Variants in CSTF3 observed in about 807,000 individuals in gnomAD.
CSTF3 encodes CF-1 77 kDa subunit.
CSTF3 carries 29 observed loss-of-function variants against 105.8 expected under a neutral mutation model. The observed-to-expected ratio is 0.27, with a 90% confidence interval of 0.20 to 0.37. The LOEUF (loss-of-function observed/expected upper bound fraction) is 0.37, where lower values mean the gene tolerates loss of function less well. Among genes scored for constraint, CSTF3 ranks in the 10% least tolerant of loss-of-function variants. The pLI, the probability that CSTF3 is intolerant of heterozygous loss-of-function variation, is 1.00. For missense variants in CSTF3, 357 were observed against 879.3 expected, an observed-to-expected ratio of 0.41 and a Z score of 7.51; for synonymous variants, 252 against 281.9, an observed-to-expected ratio of 0.89 and a Z score of 1.06.
intron 15 of CSTF3, 144 bp downstream of exon 15, chr11:33,096,162 A>G: frequency 1.8e-6 from 1 of 545,358 alleles, no homozygotes; most frequent in African/African-American, 2.0e-5. Context: ...CATGGTTGAT[A>G]TACCACAAGT....
intron 17 of CSTF3, among the ~76,000 whole-genome samples, chr11:33,087,609 A>G (rs1855119135): frequency 6.6e-6 from 1 of 152,270 alleles, no homozygotes; most frequent in Non-Finnish European, 1.5e-5. Context: ...TAATGCAATG[A>G]AAAATTATTT....
chr11:33,100,866 G>C (rs1199387696), intron 10 of CSTF3, among the ~76,000 whole-genome samples: 1 of 152,162 alleles, frequency 6.6e-6, no homozygotes, highest in Non-Finnish European at 1.5e-5. Flanking sequence ...AAGATAGCAA[G>C]GCAACAGCAA....
chr11:33,086,304 A>G lies in CSTF3; in HGVS notation c.1796-315T>C, dbSNP rs371360392. Among the ~76,000 whole-genome samples, 42 of 152,380 alleles carry G rather than the reference A, an allele frequency of 2.8e-4. 1 individual carries two copies. The South Asian group carries it at 8.3e-3, about 30-fold the overall frequency. On this transcript the variant is annotated intron_variant, in intron 18 of 20. Transcript: ENST00000323959. ...AATCCTGTTTCAAGTCAATTATTCA[A>G]CAGTGTATTTAATCAGAAGGGCCTT... is the stretch of plus-strand genomic sequence containing the variant.
rs190329328 is a variant in CSTF3, at chr11:33,111,103, G to A, written c.226-2685C>T. ...AAATTAGCTGGACATAGTGGCCGGC[G>A]CCTGTAATCCCAGCTACTCGGGAGG... is the stretch of plus-strand genomic sequence containing the variant. On this transcript the variant is annotated intron_variant, in intron 3 of 20. Transcript: ENST00000323959. 1.7e-3 allele frequency among the ~76,000 whole-genome samples: 254 copies of A among 152,156 alleles called. 3 individuals are homozygous for A. Among genetic ancestry groups the A allele is most frequent in the Admixed American group, 5.8e-3 (89 of 15,268 alleles).
At chr11:33,093,464 A>G (rs1216505573) in intron 15 of CSTF3, among the ~76,000 whole-genome samples, 1 of 152,120 alleles carries the variant, frequency 6.6e-6, no homozygotes, top group Non-Finnish European at 1.5e-5. Flanking sequence ...GCCCTTCTCT[A>G]TGACACCCTC....
intron 1 of CSTF3, among the ~76,000 whole-genome samples, chr11:33,160,023 T>A (rs1366176719): frequency 6.6e-6 from 1 of 152,074 alleles, no homozygotes; most frequent in Non-Finnish European, 1.5e-5. Context: ...TAATTTTAGA[T>A]AAATTCTAAG....
intron 3 of CSTF3, among the ~76,000 whole-genome samples, chr11:33,126,840 G>T (rs1250973610): frequency 2.0e-5 from 3 of 152,130 alleles, no homozygotes; most frequent in African/African-American, 7.2e-5. Flanking sequence ...ACATACAAAA[G>T]AGACAAACTA....
intron 3 of CSTF3, among the ~76,000 whole-genome samples, chr11:33,112,571 C>G (rs1855390443): frequency 6.6e-6 from 1 of 152,124 alleles, no homozygotes; most frequent in Non-Finnish European, 1.5e-5. Flanking sequence ...AATGGTGTTA[C>G]TATAATTGGC....
chr11:33,086,442 C>CTTTT (rs11422800), intron 18 of CSTF3, among the ~76,000 whole-genome samples: 11 of 148,602 alleles, frequency 7.4e-5, no homozygotes, highest in East Asian at 2.0e-4. Context: ...AGCAGCATTC[C>CTTTT]TTTTTTTTTT....
Position 33,092,211 on chromosome 11 carries a change from A to G in CSTF3, c.1445+60T>C, listed in dbSNP as rs188385129. On this transcript the variant is annotated intron_variant, in intron 16 of 20. Coordinates refer to ENST00000323959, the MANE Select transcript of CSTF3 (RefSeq NM_001326.3). ...CAAGCAAACATTCACCCCATAGACC[A>G]CAATTCAGGTAAGAAAGCTGTCTTT... The G allele has an allele frequency of 8.6e-4, 1,042 of 1,215,728 alleles. 7 individuals are homozygous for G. Among genetic ancestry groups the G allele is most frequent in the East Asian group, 8.5e-4 (34 of 40,186 alleles). 75.3% of individuals were successfully genotyped at this position (1,215,728 alleles called of 1,614,324 possible).
chr11:33,126,785 T>G (rs971674407), intron 3 of CSTF3, among the ~76,000 whole-genome samples: 1 of 152,222 alleles, frequency 6.6e-6, no homozygotes, highest in African/African-American at 2.4e-5. Flanking sequence ...GTATTCATAG[T>G]GCCATTATAT....
In CSTF3 at chr11:33,161,435, G is replaced by T; in HGVS notation, c.-110C>A. 8.6e-7 allele frequency: 1 copy of T among 1,168,750 alleles called. No individual in the cohort carries two copies. The highest frequency in any genetic ancestry group is 1.3e-6 in the Non-Finnish European group (1 of 799,286). 72.4% of individuals were successfully genotyped at this position (1,168,750 alleles called of 1,614,324 possible). ...GTAAAGTTACCCCCTGCCCAGCTGA[G>T]CCAGACCGCCAACACCAATCGCCAC... On this transcript the variant is annotated 5_prime_UTR_variant, in exon 1 of 21. Transcript: ENST00000323959.
chr11:33,096,275 G>A, intron 15 of CSTF3, 31 bp downstream of exon 15: 2 of 1,317,190 alleles, frequency 1.5e-6, no homozygotes, highest in South Asian at 2.7e-5. Context: ...TTAATATTAA[G>A]TAATCATTAT....
Position 33,141,667 on chromosome 11 carries a change from C to T in CSTF3, c.225G>A (p.Glu75=). ...AGAAAAAATAAAATAAAATAGTAAC[C>T]TCTGCTTCAATGTACAGTTTCCAGA... ...GRFWKLYIEA[E]IKAKNYDKVE... Residue 75 remains glutamate, a splice_region_variant and synonymous_variant, in exon 3 of 21, where the codon GAG becomes GAA. Coordinates refer to ENST00000323959, the MANE Select transcript of CSTF3 (RefSeq NM_001326.3). 1 of 1,610,738 alleles carries T rather than the reference C, an allele frequency of 6.2e-7. No homozygotes were observed. Among genetic ancestry groups the T allele is most frequent in the Non-Finnish European group, 8.5e-7 (1 of 1,178,934 alleles).
At chr11:33,140,851 C>T (rs1019493535) in intron 3 of CSTF3, 3 of 147,066 alleles carry the variant, frequency 2.0e-5, no homozygotes, top group Middle Eastern at 3.5e-3. Flanking sequence ...TTACATCTTA[C>T]CCCTTCCATA....
chr11:33,092,346 A>T lies in CSTF3; in HGVS notation c.1376-6T>A. 6.5e-7 allele frequency: 1 copy of T among 1,541,802 alleles called. No individual in the cohort carries two copies. The highest frequency in any genetic ancestry group is 8.7e-7 in the Non-Finnish European group (1 of 1,147,594). ...AACTCGGGTATTATTGTCCTCTAGG[A>T]TATTGAAAAAGATTTTAATTTTTTT... On this transcript the variant is annotated splice_polypyrimidine_tract_variant and splice_region_variant and intron_variant, in intron 15 of 20. Coordinates refer to ENST00000323959, the MANE Select transcript of CSTF3 (RefSeq NM_001326.3).
intron 3 of CSTF3, among the ~76,000 whole-genome samples, chr11:33,115,972 GAT>G (rs1855427008): frequency 6.6e-6 from 1 of 152,140 alleles, no homozygotes; most frequent in Non-Finnish European, 1.5e-5. Context: ...TACTGATTTA[GAT>G]ATAACAGGTT....
intron 3 of CSTF3, among the ~76,000 whole-genome samples, chr11:33,128,272 C>T (rs997258434): frequency 3.9e-5 from 6 of 152,000 alleles, no homozygotes; most frequent in East Asian, 1.9e-4. Flanking sequence ...TTTCCTCAAT[C>T]GCTATGAAGA....
chr11:33,145,257 G>A (rs989199024), intron 1 of CSTF3, among the ~76,000 whole-genome samples: 6 of 151,618 alleles, frequency 4.0e-5, no homozygotes, highest in African/African-American at 1.2e-4. Flanking sequence ...GCAATATGGC[G>A]AAACCCCGTC....
Sources: allele counts gnomAD v4.1 joint callset (sites outside exome capture counted in the v4.1 genomes callset), GRCh38; gene constraint gnomAD v4.1.1; transcripts MANE v1.5; gene names NCBI Gene and HGNC (gene_info 2026-07-23, HGNC 2026-07-21).